The following TATDN1 variants were observed in gnomAD, a reference collection of about 807,000 sequenced individuals.
TATDN1 encodes TatD DNase domain containing 1.
A neutral mutation model predicts 46.4 loss-of-function variants in TATDN1; 40 were observed. The ratio of observed to expected loss-of-function variants is 0.86; its 90% CI spans 0.67 to 1.12. The LOEUF (loss-of-function observed/expected upper bound fraction) is 1.12. Among genes scored for constraint, TATDN1 ranks in the 50% most tolerant of loss-of-function variants. TATDN1 has a pLI of 0.00. For synonymous variants in TATDN1, 95 were observed against 105.6 expected, an observed-to-expected ratio of 0.90 and a Z score of 0.62; for missense variants, 326 against 348.4, an observed-to-expected ratio of 0.94 and a Z score of 0.51.
At chr8:124,524,850 A>AT (rs1820349265) in intron 1 of TATDN1, among the ~76,000 whole-genome samples, 1 of 152,110 alleles carries the variant, frequency 6.6e-6, no homozygotes, top group African/African-American at 2.4e-5. Flanking sequence ...AACTTGATGG[A>AT]TTTTTGCTGA....
At chr8:124,513,608 G>A (rs77279819) in intron 6 of TATDN1, among the ~76,000 whole-genome samples, 110 of 152,298 alleles carry the variant, frequency 7.2e-4, no homozygotes, top group Middle Eastern at 3.4e-3. Context: ...TTCTGATGAT[G>A]GTGAAGAATC....
intron 11 of TATDN1, among the ~76,000 whole-genome samples, chr8:124,492,988 T>C (rs1021308206): frequency 6.6e-6 from 1 of 152,162 alleles, no homozygotes; most frequent in African/African-American, 2.4e-5. Flanking sequence ...AGCTCAAGCA[T>C]GTTAATAAAG....
At chr8:124,506,481 T>A (rs1442291789) in intron 8 of TATDN1, among the ~76,000 whole-genome samples, 1 of 151,960 alleles carries the variant, frequency 6.6e-6, no homozygotes, top group Non-Finnish European at 1.5e-5. Flanking sequence ...AATTCTTAAG[T>A]ACAGTTCCTA....
intron 1 of TATDN1, among the ~76,000 whole-genome samples, chr8:124,534,026 G>A (rs1181912360): frequency 1.3e-5 from 2 of 151,338 alleles, no homozygotes; most frequent in African/African-American, 4.9e-5. Flanking sequence ...GGCGCCTGTA[G>A]TCCCAGCTAC....
Position 124,508,447 on chromosome 8 carries a change from TATTAAAA to T in TATDN1, c.516+20_516+26del. 3 of 1,599,532 alleles carry T rather than the reference TATTAAAA, an allele frequency of 1.9e-6. No homozygotes were observed. Among genetic ancestry groups the T allele is most frequent in the Non-Finnish European group, 2.6e-6 (3 of 1,169,200 alleles). On this transcript the variant is annotated intron_variant, in intron 8 of 11. Coordinates refer to ENST00000276692, the MANE Select transcript of TATDN1 (RefSeq NM_032026.4). ...TTTTGGATTAGAGATGTTCAACCTG[TATTAAAA>T]ATGACTATTTTATACTTACCACTCC...
chr8:124,504,604 T>G lies in TATDN1; in HGVS notation c.517-257A>C, dbSNP rs1818242463. On this transcript the variant is annotated intron_variant, in intron 8 of 11. Coordinates refer to ENST00000276692, the MANE Select transcript of TATDN1 (RefSeq NM_032026.4). ...TTTAGAGTGGCAGTGTTGCTGTCTC[T>G]GCACTAGCATTAGTGCAGAAGCTCC... is the stretch of plus-strand genomic sequence containing the variant. The G allele has an allele frequency of 1.7e-5, 5 of 287,674 alleles. 1 individual carries two copies. In the South Asian group the frequency reaches 6.8e-4, roughly 39 times the overall value. 17.8% of individuals were successfully genotyped at this position (287,674 alleles called of 1,614,324 possible).
chr8:124,520,215 T>C (rs1386720037), intron 3 of TATDN1, among the ~76,000 whole-genome samples: 2 of 152,104 alleles, frequency 1.3e-5, no homozygotes, highest in Non-Finnish European at 2.9e-5. Context: ...GGCAGATGGA[T>C]CACCCGTGGT....
At chr8:124,498,145 T>C (rs1224617224) in intron 9 of TATDN1, among the ~76,000 whole-genome samples, 3 of 152,198 alleles carry the variant, frequency 2.0e-5, no homozygotes, top group African/African-American at 7.2e-5. Context: ...TCCTTGGATA[T>C]CCATTTATAT....
At chr8:124,526,005 A>G (rs1263613967) in intron 1 of TATDN1, among the ~76,000 whole-genome samples, 2 of 152,224 alleles carry the variant, frequency 1.3e-5, no homozygotes, top group African/African-American at 4.8e-5. Context: ...CTCCCCTTTG[A>G]GCTACATAAT....
intron 8 of TATDN1, chr8:124,504,677 A>G (rs1818248707): frequency 5.6e-6 from 1 of 178,420 alleles, no homozygotes. Context: ...AACATGAGGA[A>G]AGCTTAGTAA....
intron 1 of TATDN1, among the ~76,000 whole-genome samples, chr8:124,531,078 C>T (rs1241862140): frequency 6.6e-6 from 1 of 152,034 alleles, no homozygotes; most frequent in Admixed American, 6.6e-5. Context: ...CTTGTCATCA[C>T]CAAGCTGGAG....
intron 2 of TATDN1, 127 bp downstream of exon 2, chr8:124,522,810 C>T (rs1158108514): frequency 1.2e-6 from 1 of 800,478 alleles, no homozygotes; most frequent in Non-Finnish European, 2.2e-6. Context: ...CTGCCTCAGA[C>T]TCCCAAAGTG....
intron 2 of TATDN1, 122 bp from the exon 3 acceptor site, chr8:124,522,322 A>C (rs1820120554): frequency 1.5e-6 from 1 of 689,296 alleles, no homozygotes; most frequent in Admixed American, 2.8e-5. Flanking sequence ...TCTACAGGTA[A>C]GAAGACCTTA....
intron 6 of TATDN1, 132 bp from the exon 7 acceptor site, chr8:124,508,820 T>C (rs1212714129): frequency 6.6e-6 from 4 of 606,838 alleles, no homozygotes; most frequent in Non-Finnish European, 1.1e-5. Context: ...ATCATGAATA[T>C]TTAAAGCACA....
chr8:124,499,786 C>T (rs1286909285), intron 9 of TATDN1, among the ~76,000 whole-genome samples: 4 of 151,768 alleles, frequency 2.6e-5, no homozygotes, highest in South Asian at 2.1e-4. Flanking sequence ...CATTGTGATC[C>T]GCCCACCTCA....
chr8:124,531,115 T>C lies in TATDN1; in HGVS notation c.22+7910A>G, dbSNP rs115819272. The stretch of plus-strand genomic sequence containing the variant: ...TGGTAATACTGGAGTTTATGGCCTG[T>C]TGGGAAGCTGTAAAAAGATTCTACA... On this transcript the variant is annotated intron_variant, in intron 1 of 11. Coordinates refer to ENST00000276692, the MANE Select transcript of TATDN1 (RefSeq NM_032026.4). Among the ~76,000 whole-genome samples the C allele has an allele frequency of 4.3e-3, 655 of 152,216 alleles. 4 individuals are homozygous for C. The highest frequency in any genetic ancestry group is 0.015 in the African/African-American group (635 of 41,532).
rs758137078 is a variant in TATDN1, at chr8:124,515,807, G to T, written c.347-19C>A. 27 of 1,613,312 alleles carry T rather than the reference G, an allele frequency of 1.7e-5. 1 individual carries two copies. The highest frequency in any genetic ancestry group is 1.2e-4 in the South Asian group (11 of 90,994). On this transcript the variant is annotated intron_variant, in intron 5 of 11. Coordinates refer to ENST00000276692, the MANE Select transcript of TATDN1 (RefSeq NM_032026.4). ...TCAAAATCTTTAAAAAGATAAAGAA[G>T]AATAATTACTCCTAACTTATACAGA...
At chr8:124,521,361 C>G (rs1242482366) in intron 3 of TATDN1, among the ~76,000 whole-genome samples, 1 of 152,156 alleles carries the variant, frequency 6.6e-6, no homozygotes, top group East Asian at 1.9e-4. Flanking sequence ...ATGGCTAACA[C>G]ATGAAAATTT....
At chr8:124,501,411 C>CA (rs1817950974) in intron 9 of TATDN1, among the ~76,000 whole-genome samples, 1 of 148,928 alleles carries the variant, frequency 6.7e-6, no homozygotes, top group African/African-American at 2.5e-5. Context: ...TTCCAAATGG[C>CA]TTTTTTTTTT....
Sources: gnomAD v4.1 joint callset for allele counts (sites outside exome capture counted in the v4.1 genomes callset) on GRCh38, gnomAD v4.1.1 for gene constraint, MANE v1.5 for transcripts, NCBI Gene and HGNC (gene_info 2026-07-23, HGNC 2026-07-21) for gene names.